CEP44: variants seen among roughly 807,000 people sequenced by gnomAD.
The protein encoded by CEP44 is centrosomal protein of 44 kDa.
Under a neutral mutation model 46.7 loss-of-function variants are expected in CEP44, and 45 were observed. The observed-to-expected ratio is 0.96, with a 90% CI of 0.76 to 1.24. The LOEUF is 1.24. Among genes scored for constraint, CEP44 ranks in the 50% most tolerant of loss-of-function variants. CEP44 has a pLI of 0.00. For missense variants in CEP44, 475 were observed against 459.7 expected, an observed-to-expected ratio of 1.03 and a Z score of -0.30; for synonymous variants, 142 against 146.0, an observed-to-expected ratio of 0.97 and a Z score of 0.20.
intron 1 of CEP44, among the ~76,000 whole-genome samples, chr4:174,296,020 G>A (rs2126548611): frequency 6.6e-6 from 1 of 152,288 alleles, no homozygotes; most frequent in East Asian, 1.9e-4. Context: ...CTAAGCCCCT[G>A]CATACCTAGA....
Position 174,310,851 on chromosome 4 carries a change from G to A in CEP44, c.954G>A (p.Leu318=), listed in dbSNP as rs1740999346. The change falls in exon 9 of 12, where the codon CTG becomes CTA. Residue 318 remains leucine (L), a synonymous_variant. Coordinates refer to ENST00000503780, the MANE Select transcript of CEP44 (RefSeq NM_001040157.3). This position sits in a 1 kb window ranked among gnomAD's most constrained non-coding sequence, Gnocchi z 4.2. The part of the protein sequence containing the change: ...DYASCSDMDL[L]NPHRKSEVER... ...CTTCTTGTAGTGACATGGACCTTCT[G>A]AATCCTCGTAAGTTTGTAAATACTA... is the stretch of plus-strand genomic sequence containing the variant. 2 of 1,455,984 alleles carry A rather than the reference G, an allele frequency of 1.4e-6. No homozygotes were observed. Among genetic ancestry groups the A allele is most frequent in the African/African-American group, 2.8e-5 (2 of 70,934 alleles). 90.2% of individuals were successfully genotyped at this position (1,455,984 alleles called of 1,614,324 possible).
rs1330600530 is a variant in CEP44 at position 174,288,471 on chromosome 4, CTGCT to C, written c.-148+4532_-148+4535del. ...TCCCTTACAACCACCATTCTATTCT[CTGCT>C]TGCATGTATTTGACTATTTTAGATT... On this transcript the variant is annotated intron_variant, in intron 1 of 11. Coordinates refer to ENST00000503780, the MANE Select transcript of CEP44 (RefSeq NM_001040157.3). This position sits in a 1 kb window ranked among gnomAD's most constrained non-coding sequence, Gnocchi z 4.6. Among the ~76,000 whole-genome samples the C allele has an allele frequency of 6.6e-6, 1 of 152,132 alleles. No homozygotes were observed. Among genetic ancestry groups the C allele is most frequent in the Non-Finnish European group, 1.5e-5 (1 of 68,026 alleles).
At position 174,329,737 on chromosome 4, in the gene CEP44, AT is replaced by A. The variant is rs1579184669; in HGVS notation, c.1087-1744del. On this transcript the variant is annotated intron_variant, in intron 8 of 8. Transcript: ENST00000426172. This position sits in a 1 kb window ranked among gnomAD's most constrained non-coding sequence, Gnocchi z 4.0. ...GTTCTTCTCTAATTTAGTTAAAAAA[AT>A]ATTAATGAATATATGTTAACCTTCA... 1.3e-5 allele frequency among the ~76,000 whole-genome samples: 2 copies of A among 152,296 alleles called. No homozygotes were observed. The highest frequency in any genetic ancestry group is 2.1e-4 in the South Asian group (1 of 4,828).
At position 174,326,821 on chromosome 4, in the gene CEP44, C is replaced by T. The variant is rs1742700433; in HGVS notation, c.1087-4661C>T. 6.6e-6 allele frequency among the ~76,000 whole-genome samples: 1 copy of T among 151,780 alleles called. No individual in the cohort carries two copies. The highest frequency in any genetic ancestry group is 1.5e-5 in the Non-Finnish European group (1 of 67,896). ...TCTTTTCAGTAATTTAAAGATGGCC[C>T]TCCATGGTCTTTTGGTTTGCATTGT... On this transcript the variant is annotated intron_variant, in intron 8 of 8. Coordinates refer to the CEP44 transcript ENST00000426172. The surrounding 1 kb of genome is among the most constrained non-coding windows in gnomAD (Gnocchi z 4.8).
rs1415930229 is a variant in CEP44, at chr4:174,319,725, T to A, written c.*2342T>A. On this transcript the variant is annotated 3_prime_UTR_variant, in exon 12 of 12. Transcript: ENST00000503780. ...AATAACTTGTCTAACAACTCTCTAA[T>A]AGGGACTAAAAATCAACTCAATATA... The A allele has an allele frequency of 1.1e-6, 1 of 881,420 alleles. No homozygotes were observed. Among genetic ancestry groups the A allele is most frequent in the Admixed American group, 6.2e-5 (1 of 16,120 alleles). The allele number at this position is 881,420 out of a possible 1,614,324, so 54.6% of individuals were successfully genotyped here.
chr4:174,308,168 C>A (rs1490225570), intron 6 of CEP44, among the ~76,000 whole-genome samples: 1 of 152,036 alleles, frequency 6.6e-6, no homozygotes, highest in East Asian at 1.9e-4. Context: ...CAGCACTATT[C>A]ACAATAGCAA....
At chr4:174,308,566 C>A in intron 6 of CEP44, 123 bp from the exon 7 acceptor site, 1 of 878,092 alleles carries the variant, frequency 1.1e-6, no homozygotes, top group Non-Finnish European at 1.7e-6. Context: ...ACAACAAACC[C>A]CCATGGCACA....
rs777172405 is a variant in CEP44 at position 174,299,112 on chromosome 4, A to T, written c.-10A>T. 6.2e-7 allele frequency: 1 copy of T among 1,606,366 alleles called. No individual in the cohort carries two copies. The highest frequency in any genetic ancestry group is 1.3e-5 in the African/African-American group (1 of 74,520). ...ATTTCAAGAATTGGAGCTGAATCTG[A>T]TGTTAAGTAATGGCAACAGGTGACT... On this transcript the variant is annotated 5_prime_UTR_variant, in exon 3 of 12. It removes an upstream start codon present in the reference 5' UTR. Coordinates refer to ENST00000503780, the MANE Select transcript of CEP44 (RefSeq NM_001040157.3).
rs924827564 is a variant in CEP44 at position 174,318,795 on chromosome 4, T to C, written c.*1412T>C. 6.5e-6 allele frequency: 5 copies of C among 770,886 alleles called. No individual in the cohort carries two copies. The highest frequency in any genetic ancestry group is 3.8e-5 in the African/African-American group (2 of 52,762). The allele number at this position is 770,886 out of a possible 1,614,324, so 47.8% of individuals were successfully genotyped here. A position where few individuals can be genotyped will look rare whatever the true frequency, so the allele number is the denominator to read the frequency against. The stretch of plus-strand genomic sequence containing the variant: ...GAAATCACTTTTAAGAAAACATTTT[T>C]AGAATTCCTTTGTTTTTTTTTTTTT... On this transcript the variant is annotated 3_prime_UTR_variant, in exon 12 of 12. Transcript: ENST00000503780.
rs70947423 is a variant in CEP44 at position 174,297,651 on chromosome 4, A to AGTGTGTGTGTGTGT, written c.-147-294_-147-281dup. On this transcript the variant is annotated intron_variant, in intron 1 of 11. Coordinates refer to ENST00000503780, the MANE Select transcript of CEP44 (RefSeq NM_001040157.3). The surrounding 1 kb of genome is among the most constrained non-coding windows in gnomAD (Gnocchi z 4.3). The stretch of plus-strand genomic sequence containing the variant: ...CTGAGATATAGGAAGAAACTTTATT[A>AGTGTGTGTGTGTGT]GTGTGTGTGTGTGTGTGTGTGTGTG... Among the ~76,000 whole-genome samples the AGTGTGTGTGTGTGT allele has an allele frequency of 2.0e-5, 3 of 148,954 alleles. No homozygotes were observed. The highest frequency in any genetic ancestry group is 7.4e-5 in the African/African-American group (3 of 40,304).
Position 174,319,206 on chromosome 4 carries a change from T to C in CEP44, c.*1823T>C. The C allele has an allele frequency of 1.0e-6, 1 of 973,776 alleles. No homozygotes were observed. Among genetic ancestry groups the C allele is most frequent in the Non-Finnish European group, 1.2e-6 (1 of 819,288 alleles). The allele number at this position is 973,776 out of a possible 1,614,324, so 60.3% of individuals were successfully genotyped here. On this transcript the variant is annotated 3_prime_UTR_variant, in exon 12 of 12. Transcript: ENST00000503780. ...GAATTTAACAGAGTTTCAGTAAATA[T>C]TTCCAGAATTAATGAAGCATGTTAG...
In CEP44 at chr4:174,314,460, C is replaced by G. The variant is rs1410328760; in HGVS notation, c.962-1706C>G. On this transcript the variant is annotated intron_variant, in intron 9 of 11. Transcript: ENST00000503780. The surrounding 1 kb of genome is among the most constrained non-coding windows in gnomAD (Gnocchi z 4.1). ...TGGTCCACTCTGTAGCCTCTGGAAT[C>G]CTCTGTAGGAATAACTATGAATAGC... is the stretch of plus-strand genomic sequence containing the variant. Among the ~76,000 whole-genome samples the G allele has an allele frequency of 6.6e-6, 1 of 152,178 alleles. No homozygotes were observed. The highest frequency in any genetic ancestry group is 6.5e-5 in the Admixed American group (1 of 15,278).
chr4:174,284,271 C>T (rs904381003), intron 1 of CEP44: 10 of 392,602 alleles, frequency 2.5e-5, no homozygotes, highest in African/African-American at 1.2e-4. Flanking sequence ...AATCAAATGG[C>T]GGGAGGGGAG....
intron 6 of CEP44, among the ~76,000 whole-genome samples, chr4:174,306,252 T>G (rs1740385257): frequency 6.6e-6 from 1 of 152,178 alleles, no homozygotes. Context: ...TTGTCATTAT[T>G]AGGTTTGAAT....
At chr4:174,332,210 C>T (rs898342578) in exon 9 of CEP44, 17 of 152,262 alleles carry the variant, frequency 1.1e-4, no homozygotes, top group African/African-American at 3.4e-4. Flanking sequence ...TCTTTTGTAC[C>T]GTTGGTACAG....
At position 174,310,980 on chromosome 4, in the gene CEP44, A is replaced by G. The variant is rs994185909; in HGVS notation, c.961+122A>G. On this transcript the variant is annotated intron_variant, in intron 9 of 11. Coordinates refer to ENST00000503780, the MANE Select transcript of CEP44 (RefSeq NM_001040157.3). This position sits in a 1 kb window ranked among gnomAD's most constrained non-coding sequence, Gnocchi z 4.2. ...TTGCAAAGCTCCTAGAACAAAGAAC[A>G]TAATGAACCTACAGACTACTAAAGC... The G allele has an allele frequency of 9.5e-5, 50 of 527,764 alleles. No homozygotes were observed. The highest frequency in any genetic ancestry group is 8.6e-4 in the African/African-American group (44 of 50,886). 32.7% of individuals were successfully genotyped at this position (527,764 alleles called of 1,614,324 possible).
At chr4:174,321,972 A>G (rs953290398), downstream of CEP44, among the ~76,000 whole-genome samples, 10 of 152,104 alleles carry the variant, frequency 6.6e-5, no homozygotes, top group African/African-American at 1.2e-4. Flanking sequence ...CAGATTTGCC[A>G]TCTTCTGTTT....
rs759799345 is a variant in CEP44 at position 174,310,335 on chromosome 4, A to C, written c.885+279A>C. On this transcript the variant is annotated intron_variant, in intron 8 of 11. Coordinates refer to ENST00000503780, the MANE Select transcript of CEP44 (RefSeq NM_001040157.3). The surrounding 1 kb of genome is among the most constrained non-coding windows in gnomAD (Gnocchi z 4.2). Reference sequence around the variant, plus strand: ...TTAAAATGAGGTAAGAATATGATAGATATGAAAAGCTTAAAATTATTTTAT... The same window carrying C: ...TTAAAATGAGGTAAGAATATGATAGCTATGAAAAGCTTAAAATTATTTTAT... Among the ~76,000 whole-genome samples the C allele has an allele frequency of 2.0e-5, 3 of 151,966 alleles. No homozygotes were observed. The highest frequency in any genetic ancestry group is 7.2e-5 in the African/African-American group (3 of 41,426).
At chr4:174,327,344 T>G (rs1478266096) in intron 8 of CEP44, among the ~76,000 whole-genome samples, 1 of 151,702 alleles carries the variant, frequency 6.6e-6, no homozygotes, top group Non-Finnish European at 1.5e-5. Context: ...ACATACCATC[T>G]TCGTGTTAGG....
Sources: gnomAD v4.1 joint callset for allele counts (sites outside exome capture counted in the v4.1 genomes callset) on GRCh38, gnomAD v4.1.1 for gene constraint, Gnocchi (gnomAD v3.1) non-coding constraint, MANE v1.5 for transcripts, NCBI Gene and HGNC (gene_info 2026-07-23, HGNC 2026-07-21) for gene names.